Variants in CTSC observed in about 807,000 individuals in gnomAD.
CTSC encodes cathepsin C.
A neutral mutation model predicts 40.9 loss-of-function variants in CTSC; 37 were observed. That is an observed-to-expected ratio of 0.91 (90% CI 0.70 to 1.19). CTSC has a LOEUF of 1.19. Ranked by LOEUF, CTSC falls within the 50% of genes most tolerant of loss-of-function variation. CTSC has a pLI of 0.00. For synonymous variants in CTSC, 232 were observed against 207.4 expected (o/e 1.12, Z -1.02); for missense variants, 594 against 567.3 (o/e 1.05, Z -0.48).
rs148742372 is a variant in CTSC, at chr11:88,294,468, G to A, written c.930C>T (p.Tyr310=). 145 of 1,614,006 alleles carry A rather than the reference G, an allele frequency of 9.0e-5. No individual in the cohort carries two copies. The highest frequency in any genetic ancestry group is 1.6e-4 in the Middle Eastern group (1 of 6,080). The change falls in exon 7 of 7, where the codon TAC becomes TAT. Residue 310 remains tyrosine, a synonymous_variant. Transcript: ENST00000227266. ...CTTCCACCAGCCCAAAATCTTGGGC[G>A]TACTTTCCTGCAATAAGGTATGGGA... is the stretch of plus-strand genomic sequence containing the variant. ...GGFPYLIAGK[Y]AQDFGLVEEA...
In CTSC at chr11:88,309,291, A is replaced by T. The variant is rs1937698746; in HGVS notation, c.513T>A (p.Asp171Glu). 1.9e-6 allele frequency: 3 copies of T among 1,613,910 alleles called. No homozygotes were observed. Among genetic ancestry groups the T allele is most frequent in the Non-Finnish European group, 2.5e-6 (3 of 1,179,786 alleles). ...CATTGATAGCTTTCACAAAGTTGTG[A>T]TCATACTTGTAGAGCCTATTAGAAT... ...EKYSNRLYKY[D>E]HNFVKAINAI... Residue 171 changes from aspartate (D) to glutamate (E), a missense_variant, in exon 4 of 7, where the codon GAT becomes GAA. Coordinates refer to ENST00000227266, the MANE Select transcript of CTSC (RefSeq NM_001814.6).
At chr11:88,336,289 C>T (rs217080) in intron 1 of CTSC, among the ~76,000 whole-genome samples, 130,663 of 149,416 alleles carry the variant, frequency 0.87, 57,314 homozygotes, top group East Asian at 1. Flanking sequence ...GCCTGTAATC[C>T]CAGTACTTTG....
intron 2 of CTSC, among the ~76,000 whole-genome samples, chr11:88,327,012 T>C (rs995463050): frequency 1.3e-5 from 2 of 152,232 alleles, no homozygotes; most frequent in South Asian, 2.1e-4. Context: ...AGTTTCCTAT[T>C]GCATCTTCCT....
intron 4 of CTSC, among the ~76,000 whole-genome samples, chr11:88,306,447 C>G (rs1338444271): frequency 6.6e-6 from 1 of 151,344 alleles, no homozygotes; most frequent in Non-Finnish European, 1.5e-5. Flanking sequence ...CCATCCTTCC[C>G]CCATATAAAC....
rs1489712395 is a variant in CTSC, at chr11:88,335,585, AAGAG to A, written c.173-507_173-504del. Among the ~76,000 whole-genome samples the A allele has an allele frequency of 5.3e-5, 8 of 152,234 alleles. No individual in the cohort carries two copies. The East Asian group carries it at 1.5e-3, about 29-fold the overall frequency. ...AACACAGTGAGACCTTGTCTCAAAA[AAGAG>A]AGATATGCTATGCAGCCCAGCAGGC... On this transcript the variant is annotated intron_variant, in intron 1 of 6. Transcript: ENST00000227266.
intron 2 of CTSC, among the ~76,000 whole-genome samples, chr11:88,317,770 C>T (rs1248019317): frequency 6.6e-6 from 1 of 152,200 alleles, no homozygotes; most frequent in African/African-American, 2.4e-5. Flanking sequence ...AAACATCAGT[C>T]TCTGAAGACT....
chr11:88,328,153 G>C, intron 2 of CTSC: 1 of 1,613,728 alleles, frequency 6.2e-7, no homozygotes, highest in Non-Finnish European at 8.5e-7. Context: ...TATCCCCACA[G>C]TTCCCAGCTG....
At chr11:88,330,940 G>A (rs568393966) in intron 2 of CTSC, among the ~76,000 whole-genome samples, 3 of 152,312 alleles carry the variant, frequency 2.0e-5, no homozygotes, top group East Asian at 1.9e-4. Flanking sequence ...GATTGATTCC[G>A]AAGTGGAATG....
intron 2 of CTSC, among the ~76,000 whole-genome samples, chr11:88,329,956 A>T (rs1207362662): frequency 2.6e-5 from 4 of 152,196 alleles, no homozygotes; most frequent in Non-Finnish European, 5.9e-5. Context: ...CCAACTTCTC[A>T]AAGTGCTGGA....
At chr11:88,334,148 C>T (rs1156416120) in intron 2 of CTSC, among the ~76,000 whole-genome samples, 2 of 152,106 alleles carry the variant, frequency 1.3e-5, no homozygotes, top group Non-Finnish European at 2.9e-5. Flanking sequence ...AAAAGTCTGT[C>T]TTAATTTATA....
At chr11:88,300,997 A>T (rs1944354473) in intron 4 of CTSC, among the ~76,000 whole-genome samples, 1 of 152,200 alleles carries the variant, frequency 6.6e-6, no homozygotes, top group African/African-American at 2.4e-5. Context: ...TAGAAGACAT[A>T]AGAAGGGTTT....
Position 88,337,505 on chromosome 11 carries a change from A to C in CTSC, c.168T>G (p.Val56=), listed in dbSNP as rs1236703860. ...ACTGCCGAGCCGGCGGCTTACCCATAACCGAGCAGTTGACATCGCGCTGGG... is the reference window on the plus strand; with the variant it reads ...ACTGCCGAGCCGGCGGCTTACCCATCACCGAGCAGTTGACATCGCGCTGGG... ...SGSQRDVNCS[V]MGPQEKKVVV... is the part of the protein sequence containing the mutation. Residue 56 remains valine (V), a synonymous_variant, in exon 1 of 7, where the codon GTT becomes GTG. Coordinates refer to ENST00000227266, the MANE Select transcript of CTSC (RefSeq NM_001814.6). 7 of 1,572,202 alleles carry C rather than the reference A, an allele frequency of 4.5e-6. No homozygotes were observed. The East Asian group carries it at 1.4e-4, about 32-fold the overall frequency.
Position 88,310,708 on chromosome 11 carries a change from C to G in CTSC, c.486-1390G>C, listed in dbSNP as rs143821350. On this transcript the variant is annotated intron_variant, in intron 3 of 6. Transcript: ENST00000227266. Reference sequence around the variant, plus strand: ...GAAAAACCCAGAGACGTACCCTTATCAAGCAGATTATAAAACTGTATCATA... The same window carrying G: ...GAAAAACCCAGAGACGTACCCTTATGAAGCAGATTATAAAACTGTATCATA... Among the ~76,000 whole-genome samples the G allele has an allele frequency of 2.5e-3, 377 of 152,288 alleles. 1 individual carries two copies. Among genetic ancestry groups the G allele is most frequent in the Non-Finnish European group, 4.4e-3 (301 of 68,022 alleles).
intron 2 of CTSC, among the ~76,000 whole-genome samples, chr11:88,327,370 G>C (rs574790864): frequency 1.6e-4 from 24 of 152,174 alleles, no homozygotes; most frequent in Non-Finnish European, 3.2e-4. Context: ...TGGTATTTAA[G>C]AGCCAAGTAA....
At chr11:88,325,088 AAAG>A (rs10538447) in intron 2 of CTSC, 109,256 of 984,810 alleles carry the variant, frequency 0.11, 7,882 homozygotes, top group South Asian at 0.31. Flanking sequence ...ACCAAAGCTG[AAAG>A]AAGTCAGCTC....
At chr11:88,332,101 G>A (rs1360054276) in intron 2 of CTSC, among the ~76,000 whole-genome samples, 2 of 152,200 alleles carry the variant, frequency 1.3e-5, no homozygotes, top group Non-Finnish European at 2.9e-5. Flanking sequence ...GTGGAGAGGC[G>A]TGAAAATCCA....
At chr11:88,329,578 A>G (rs1413511649) in intron 2 of CTSC, among the ~76,000 whole-genome samples, 3 of 151,528 alleles carry the variant, frequency 2.0e-5, no homozygotes, top group Non-Finnish European at 4.4e-5. Flanking sequence ...TACACAGAGG[A>G]GCTTTATACA....
In CTSC at chr11:88,318,622, T is replaced by C. The variant is rs556864398; in HGVS notation, c.319-6068A>G. ...ATATATTTCTAACATAAAAATACAA[T>C]TGGCCAGGCGCAGTGGCTCATGCCT... On this transcript the variant is annotated intron_variant, in intron 2 of 6. Coordinates refer to ENST00000227266, the MANE Select transcript of CTSC (RefSeq NM_001814.6). Among the ~76,000 whole-genome samples the C allele has an allele frequency of 2.6e-5, 4 of 152,258 alleles. No homozygotes were observed. In the East Asian group the frequency reaches 5.8e-4, roughly 22 times the overall value.
At chr11:88,337,401 CA>C in intron 1 of CTSC, 99 bp downstream of exon 1, 1 of 1,250,438 alleles carries the variant, frequency 8.0e-7, no homozygotes, top group Non-Finnish European at 1.1e-6. Context: ...TGGCCACCCA[CA>C]AGCGTCTGCC....
Sources: allele counts gnomAD v4.1 joint callset (sites outside exome capture counted in the v4.1 genomes callset), GRCh38; gene constraint gnomAD v4.1.1; transcripts MANE v1.5; gene names NCBI Gene and HGNC (gene_info 2026-07-23, HGNC 2026-07-21).